The following IGF1R variants were observed in gnomAD, a reference collection of about 807,000 sequenced individuals.
IGF1R encodes the protein insulin-like growth factor 1 receptor.
A neutral mutation model predicts 144.6 loss-of-function variants in IGF1R; 44 were observed. The observed-to-expected ratio is 0.30, with a 90% CI of 0.24 to 0.39. IGF1R has a LOEUF of 0.39. Ranked by LOEUF, IGF1R falls within the 10% of genes least tolerant of loss-of-function variation. The pLI, the probability that IGF1R is intolerant of heterozygous loss-of-function variation, is 1.00. For synonymous variants in IGF1R, 795 were observed against 722.8 expected (o/e 1.10, Z -1.60); for missense variants, 1,355 against 1,833.7 (o/e 0.74, Z 4.77).
chr15:98,910,947 G>A (rs972035920), intron 6 of IGF1R, among the ~76,000 whole-genome samples: 2 of 152,180 alleles, frequency 1.3e-5, no homozygotes, highest in African/African-American at 4.8e-5. Flanking sequence ...CAGCCTAAAG[G>A]CTCACCTTCA....
chr15:98,733,861 C>G (rs1406004905), intron 2 of IGF1R, among the ~76,000 whole-genome samples: 1 of 152,146 alleles, frequency 6.6e-6, no homozygotes, highest in African/African-American at 2.4e-5. Context: ...TCATCTCTTC[C>G]ATCCCCTTTC....
At chr15:98,937,958 A>G (rs116006558) in intron 17 of IGF1R, among the ~76,000 whole-genome samples, 221 of 152,354 alleles carry the variant, frequency 1.5e-3, no homozygotes, top group African/African-American at 5.0e-3. Flanking sequence ...TAACCACGTG[A>G]TAAGTGTTTT....
chr15:98,819,159 T>C (rs1197972774), intron 2 of IGF1R, among the ~76,000 whole-genome samples: 3 of 152,162 alleles, frequency 2.0e-5, no homozygotes, highest in East Asian at 3.9e-4. Flanking sequence ...CACAGCAGTG[T>C]AGGGCTCAGG....
chr15:98,758,282 C>T (rs1180584751), intron 2 of IGF1R, among the ~76,000 whole-genome samples: 1 of 151,922 alleles, frequency 6.6e-6, no homozygotes, highest in Non-Finnish European at 1.5e-5. Context: ...CTCCTCTTCC[C>T]GTCTAGTTCT....
In IGF1R at chr15:98,948,641, G is replaced by A. The variant is rs1185222113; in HGVS notation, c.3655G>A (p.Glu1219Lys). 2.5e-6 allele frequency: 4 copies of A among 1,614,038 alleles called. No homozygotes were observed. The highest frequency in any genetic ancestry group is 3.4e-6 in the Non-Finnish European group (4 of 1,180,018). The change falls in exon 20 of 21, where the codon GAG becomes AAG. Residue 1219 changes from glutamate to lysine, a missense_variant. Transcript: ENST00000650285. Reference protein sequence around the residue: ...AEQPYQGLSNEQVLRFVMEGG... With the variant: ...AEQPYQGLSNKQVLRFVMEGG... The stretch of plus-strand genomic sequence containing the variant: ...GCAGCCCTACCAGGGCTTGTCCAAC[G>A]AGCAAGTCCTTCGCTTCGTCATGGA...
Position 98,959,739 on chromosome 15 carries a change from A to T in IGF1R, c.*2297A>T. 4.3e-6 allele frequency: 1 copy of T among 233,412 alleles called. No individual in the cohort carries two copies. Among genetic ancestry groups the T allele is most frequent in the Non-Finnish European group, 8.5e-6 (1 of 118,000 alleles). 14.5% of individuals were successfully genotyped at this position (233,412 alleles called of 1,614,324 possible). A position where few individuals can be genotyped will look rare whatever the true frequency, so the allele number is the denominator to read the frequency against. On this transcript the variant is annotated 3_prime_UTR_variant, in exon 21 of 21. Coordinates refer to ENST00000650285, the MANE Select transcript of IGF1R (RefSeq NM_000875.5). ...GTAAGAACAAAGCTGGGATACGGTG[A>T]TTGCTAGTTGTGACTGAAGATTCAA... is the stretch of plus-strand genomic sequence containing the variant.
chr15:98,958,068 T>C lies in IGF1R; in HGVS notation c.*626T>C, dbSNP rs34804698. ...ACTTTCTCCCTCATCGGCCCGGCGC[T>C]GATTCCTCGTGTCCGGAGGCATGGG... On this transcript the variant is annotated 3_prime_UTR_variant, in exon 21 of 21. Transcript: ENST00000650285. 2,089 of 234,212 alleles carry C rather than the reference T, an allele frequency of 8.9e-3. 52 individuals carry two copies. Among genetic ancestry groups the C allele is most frequent in the African/African-American group, 0.043 (1,965 of 45,454 alleles). The allele number at this position is 234,212 out of a possible 1,614,324, so 14.5% of individuals were successfully genotyped here.
At chr15:98,820,695 T>TA in intron 2 of IGF1R, among the ~76,000 whole-genome samples, 1 of 152,244 alleles carries the variant, frequency 6.6e-6, no homozygotes, top group Non-Finnish European at 1.5e-5. Flanking sequence ...AACTGTAAGT[T>TA]AAATGATTTT....
At chr15:98,940,209 A>G (rs2016314406) in intron 18 of IGF1R, among the ~76,000 whole-genome samples, 1 of 152,200 alleles carries the variant, frequency 6.6e-6, no homozygotes, top group African/African-American at 2.4e-5. Flanking sequence ...AAAAATACCA[A>G]ATATTTATCC....
At chr15:98,650,847 T>C (rs2052344797) in intron 1 of IGF1R, 1 of 948,510 alleles carries the variant, frequency 1.1e-6, no homozygotes, top group South Asian at 4.9e-5. Flanking sequence ...CGCTGTCTTT[T>C]GCAATCTGAT....
chr15:98,673,378 T>A (rs1483075707), intron 1 of IGF1R, among the ~76,000 whole-genome samples: 3 of 152,246 alleles, frequency 2.0e-5, no homozygotes, highest in Non-Finnish European at 4.4e-5. Context: ...TCATTCTCGC[T>A]CTGTTTTACC....
At chr15:98,690,098 T>A (rs535086604) in intron 1 of IGF1R, among the ~76,000 whole-genome samples, 3 of 152,238 alleles carry the variant, frequency 2.0e-5, no homozygotes, top group South Asian at 4.1e-4. Flanking sequence ...TTCCAGCACT[T>A]TGGGAGACTA....
In IGF1R at chr15:98,960,176, C is replaced by T; in HGVS notation, c.*2734C>T. 4.3e-6 allele frequency: 1 copy of T among 233,784 alleles called. No individual in the cohort carries two copies. Among genetic ancestry groups the T allele is most frequent in the East Asian group, 6.0e-5 (1 of 16,602 alleles). The allele number at this position is 233,784 out of a possible 1,614,324, so 14.5% of individuals were successfully genotyped here. A position where few individuals can be genotyped will look rare whatever the true frequency, so the allele number is the denominator to read the frequency against. On this transcript the variant is annotated 3_prime_UTR_variant, in exon 21 of 21. Transcript: ENST00000650285. ...AACCTCATCCACGCCACAGGCGCCA[C>T]ACCCAGGTGATGCAGGGGGAAGCCA...
intron 2 of IGF1R, among the ~76,000 whole-genome samples, chr15:98,778,624 G>C (rs1407734944): frequency 2.6e-5 from 4 of 152,238 alleles, no homozygotes; most frequent in Non-Finnish European, 4.4e-5. Flanking sequence ...GCCATATCCT[G>C]ATTTCCCCTC....
chr15:98,900,951 A>G (rs1442500772), intron 5 of IGF1R, among the ~76,000 whole-genome samples: 2 of 152,210 alleles, frequency 1.3e-5, no homozygotes, highest in African/African-American at 4.8e-5. Context: ...AGCAAATGAT[A>G]GACATAGAGG....
chr15:98,927,409 A>C (rs1411203491), intron 13 of IGF1R, among the ~76,000 whole-genome samples: 1 of 152,194 alleles, frequency 6.6e-6, no homozygotes, highest in Non-Finnish European at 1.5e-5. Context: ...TTTCCAGATG[A>C]AATAATCTCA....
rs373296301 is a variant in IGF1R, at chr15:98,800,634, C to G, written c.641-90691C>G. 2.4e-3 allele frequency among the ~76,000 whole-genome samples: 364 copies of G among 152,130 alleles called. 1 individual carries two copies. Among genetic ancestry groups the G allele is most frequent in the African/African-American group, 8.4e-3 (350 of 41,514 alleles). ...CTCTGCAGGATGCCCTCCCAGCCCTCCCTCCACCTATTTGGATTAGACCAG... is the reference window on the plus strand; with the variant it reads ...CTCTGCAGGATGCCCTCCCAGCCCTGCCTCCACCTATTTGGATTAGACCAG... On this transcript the variant is annotated intron_variant, in intron 2 of 20. Transcript: ENST00000650285.
In IGF1R at chr15:98,714,493, A is replaced by T. The variant is rs555174387; in HGVS notation, c.640+6386A>T. Among the ~76,000 whole-genome samples, 6 of 152,236 alleles carry T rather than the reference A, an allele frequency of 3.9e-5. No individual in the cohort carries two copies. In the East Asian group the frequency reaches 5.8e-4, roughly 15 times the overall value. On this transcript the variant is annotated intron_variant, in intron 2 of 20. Transcript: ENST00000650285. ...ACCTTGTTCATATAAAAAAATTTAAATAATTAGCTGGTTGTGGAGGCACGT... is the reference window on the plus strand; with the variant it reads ...ACCTTGTTCATATAAAAAAATTTAATTAATTAGCTGGTTGTGGAGGCACGT...
intron 8 of IGF1R, among the ~76,000 whole-genome samples, chr15:98,914,704 C>T (rs2015167359): frequency 6.6e-6 from 1 of 152,300 alleles, no homozygotes; most frequent in East Asian, 1.9e-4. Context: ...AACCTGTTTC[C>T]TTTCCACAAA....
Sources: gnomAD v4.1 joint callset for allele counts (sites outside exome capture counted in the v4.1 genomes callset) on GRCh38, gnomAD v4.1.1 for gene constraint, MANE v1.5 for transcripts, NCBI Gene and HGNC (gene_info 2026-07-23, HGNC 2026-07-21) for gene names.